The following COL17A1 variants were observed in gnomAD, a reference collection of about 807,000 sequenced individuals.
COL17A1 encodes the protein collagen type XVII alpha 1 chain, also known as collagen alpha-1(XVII) chain.
Under a neutral mutation model 218.4 loss-of-function variants are expected in COL17A1, and 181 were observed. The ratio of observed to expected loss-of-function variants is 0.83; its 90% CI spans 0.73 to 0.94. The LOEUF (loss-of-function observed/expected upper bound fraction) is 0.94, where lower values mean the gene tolerates loss of function less well. Among genes scored for constraint, COL17A1 ranks in the 40% least tolerant of loss-of-function variants. COL17A1 has a pLI of 0.00. For synonymous variants in COL17A1, 721 were observed against 731.0 expected, an observed-to-expected ratio of 0.99 and a Z score of 0.22; for missense variants, 1,924 against 1,945.9, an observed-to-expected ratio of 0.99 and a Z score of 0.21.
rs2086674504 is a variant in COL17A1 at position 104,072,105 on chromosome 10, G to A, written c.416-26C>T. Reference sequence around the variant, plus strand: ...CTGTACAAGGGAAGAGATAGAGAAGGGTGTGAATGAAGGAGCTTAGATCAC... The same window carrying A: ...CTGTACAAGGGAAGAGATAGAGAAGAGTGTGAATGAAGGAGCTTAGATCAC... On this transcript the variant is annotated intron_variant, in intron 7 of 55. Transcript: ENST00000648076. The A allele has an allele frequency of 3.1e-6, 5 of 1,613,898 alleles. No individual in the cohort carries two copies. In the Admixed American group the frequency reaches 5.0e-5, roughly 16 times the overall value.
intron 17 of COL17A1, among the ~76,000 whole-genome samples, 178 bp downstream of exon 17, chr10:104,056,797 C>T (rs1258383168): frequency 6.6e-6 from 1 of 152,158 alleles, no homozygotes; most frequent in African/African-American, 2.4e-5. Context: ...TGTCCTTGGC[C>T]AGGTACCTCC....
intron 5 of COL17A1, among the ~76,000 whole-genome samples, chr10:104,075,119 C>T (rs2086699118): frequency 1.3e-5 from 2 of 152,144 alleles, no homozygotes; most frequent in Admixed American, 6.5e-5. Flanking sequence ...CTCCGCTTTA[C>T]CTTCCTTTGC....
chr10:104,047,909 C>G, intron 30 of COL17A1, 99 bp from the exon 31 acceptor site: 1 of 1,396,268 alleles, frequency 7.2e-7, no homozygotes, highest in Admixed American at 1.7e-5. Flanking sequence ...TCCTAATTGA[C>G]TTGCTGGCAG....
chr10:104,056,320 A>C (rs1038958250), intron 17 of COL17A1, among the ~76,000 whole-genome samples: 13 of 152,096 alleles, frequency 8.5e-5, no homozygotes, highest in East Asian at 3.9e-4. Context: ...CGGTGGCTCA[A>C]GCCTGTAATC....
chr10:104,050,990 G>A, intron 25 of COL17A1, 89 bp from the exon 26 acceptor site: 1 of 1,574,924 alleles, frequency 6.3e-7, no homozygotes, highest in East Asian at 2.3e-5. Flanking sequence ...ACACATACAG[G>A]CACACATATG....
intron 9 of COL17A1, 112 bp downstream of exon 9, chr10:104,070,314 C>A: frequency 1.9e-6 from 3 of 1,555,238 alleles, no homozygotes; most frequent in Non-Finnish European, 2.6e-6. Context: ...TTGGTGGGCC[C>A]CAATTTCAAG....
intron 30 of COL17A1, 22 bp downstream of exon 30, chr10:104,048,047 G>A (rs2086430232): frequency 1.2e-6 from 2 of 1,613,992 alleles, no homozygotes; most frequent in African/African-American, 2.7e-5. Context: ...GTGAGGCTGG[G>A]GGCAGCAGAT....
chr10:104,080,897 G>A (rs936342661), intron 1 of COL17A1, among the ~76,000 whole-genome samples: 1 of 152,132 alleles, frequency 6.6e-6, no homozygotes, highest in Admixed American at 6.5e-5. Flanking sequence ...CTATTTCTTT[G>A]TGCTGGGATC....
At chr10:104,052,889 C>T (rs952579014) in intron 23 of COL17A1, 142 bp downstream of exon 23, 1 of 1,060,040 alleles carries the variant, frequency 9.4e-7, no homozygotes, top group African/African-American at 1.5e-5. Flanking sequence ...CAGGGCCTAG[C>T]ACAGACCCTG....
At chr10:104,060,072 C>T in intron 14 of COL17A1, 47 bp downstream of exon 14, 1 of 1,612,540 alleles carries the variant, frequency 6.2e-7, no homozygotes, top group Non-Finnish European at 8.5e-7. Flanking sequence ...GTCTCCTACA[C>T]TATTTGGCTT....
At chr10:104,051,632 G>A in intron 24 of COL17A1, 116 bp from the exon 25 acceptor site, 1 of 1,331,630 alleles carries the variant, frequency 7.5e-7, no homozygotes. Flanking sequence ...AGGGCTGTGT[G>A]AGTGTATTGC....
Position 104,051,483 on chromosome 10 carries a change from G to C in COL17A1, c.2036C>G (p.Pro679Arg). ...SSGSPGPQGP[P>R]GPVGLQGLRG... Reference sequence around the variant, plus strand: ...TTTACAAGAAGCAGCAAACTGACCTGGAGGGCCCTGTGGGCCAGGAGAGCC... The same window carrying C: ...TTTACAAGAAGCAGCAAACTGACCTCGAGGGCCCTGTGGGCCAGGAGAGCC... The change falls in exon 25 of 56, where the codon CCA (proline) becomes CGA (arginine). Residue 679 changes from proline to arginine, a missense_variant and splice_region_variant. Transcript: ENST00000648076. 6.2e-7 allele frequency: 1 copy of C among 1,614,082 alleles called. No homozygotes were observed. Among genetic ancestry groups the C allele is most frequent in the Non-Finnish European group, 8.5e-7 (1 of 1,180,034 alleles).
chr10:104,038,376 C>T (rs771843446), intron 45 of COL17A1, 30 bp downstream of exon 45: 18 of 1,613,494 alleles, frequency 1.1e-5, no homozygotes, highest in Non-Finnish European at 1.5e-5. Context: ...ATGTTCTTGT[C>T]CCCACGGCTT....
intron 20 of COL17A1, among the ~76,000 whole-genome samples, chr10:104,054,624 C>G (rs1318723973): frequency 6.6e-6 from 1 of 152,156 alleles, no homozygotes; most frequent in Non-Finnish European, 1.5e-5. Flanking sequence ...ATCCTGTCAT[C>G]TTGAACGTGG....
At chr10:104,040,784 C>T (rs1402259875) in intron 39 of COL17A1, among the ~76,000 whole-genome samples, 1 of 152,174 alleles carries the variant, frequency 6.6e-6, no homozygotes, top group African/African-American at 2.4e-5. Context: ...TTTATCAGAC[C>T]TGGGCTCCCC....
intron 13 of COL17A1, 143 bp downstream of exon 13, chr10:104,061,262 G>A (rs942295043): frequency 1.1e-4 from 84 of 755,094 alleles, no homozygotes; most frequent in African/African-American, 8.6e-4. Flanking sequence ...GGCAAGTTGC[G>A]TTTGCAGGCC....
Position 104,041,338 on chromosome 10 carries a change from G to A in COL17A1, c.2612C>T (p.Ser871Phe), listed in dbSNP as rs780712431. Residue 871 changes from serine (S) to phenylalanine (F), a missense_variant, in exon 38 of 56, where the codon TCC becomes TTC. Ser to Phe is a radical substitution (Grantham distance 155). Transcript: ENST00000648076. ...TCGGGGTCCTGGTGGGCCTGGAATG[G>A]AAGGCCCTGCAGAAGAGAGCAAGGA... ...PPGPRGPPGP[S>F]IPGPPGPRGP... 1.2e-6 allele frequency: 2 copies of A among 1,610,804 alleles called. No homozygotes were observed. The highest frequency in any genetic ancestry group is 2.2e-5 in the East Asian group (1 of 44,844).
chr10:104,064,661 A>T (rs1222698075), intron 9 of COL17A1, 65 bp from the exon 10 acceptor site: 5 of 1,452,334 alleles, frequency 3.4e-6, no homozygotes, highest in Non-Finnish European at 4.8e-6. Flanking sequence ...TGGGGAATCT[A>T]GTCACCTCAT....
intron 2 of COL17A1, among the ~76,000 whole-genome samples, chr10:104,079,204 G>C (rs1474456609): frequency 6.6e-6 from 1 of 152,158 alleles, no homozygotes; most frequent in Non-Finnish European, 1.5e-5. Context: ...CTTGGCCTCT[G>C]AAATTTAGTT....
Sources: gnomAD v4.1 joint callset for allele counts (sites outside exome capture counted in the v4.1 genomes callset) on GRCh38, gnomAD v4.1.1 for gene constraint, MANE v1.5 for transcripts, NCBI Gene and HGNC (gene_info 2026-07-23, HGNC 2026-07-21) for gene names.